GABRB1: variants seen among roughly 807,000 people sequenced by gnomAD.
The protein encoded by GABRB1 is gamma-aminobutyric acid type A receptor subunit beta1, also known as gamma-aminobutyric acid receptor subunit beta-1.
In GABRB1, 17 loss-of-function variants were observed where a neutral mutation model predicts 51.6. The observed-to-expected ratio is 0.33, with a 90% CI of 0.23 to 0.49. The LOEUF is 0.49. Among genes scored for constraint, GABRB1 ranks in the 20% least tolerant of loss-of-function variants. The probability of loss-of-function intolerance (pLI) is 0.99; values close to 1 mark genes in which losing one functional copy is unlikely to be tolerated. For synonymous variants in GABRB1, 247 were observed against 218.9 expected (o/e 1.13, Z -1.14); for missense variants, 410 against 600.6 (o/e 0.68, Z 3.32).
In GABRB1 at chr4:47,259,666, G is replaced by A. The variant is rs539838116; in HGVS notation, c.462-60461G>A. On this transcript the variant is annotated intron_variant, in intron 4 of 8. Coordinates refer to ENST00000295454, the MANE Select transcript of GABRB1 (RefSeq NM_000812.4). ...ATTAGCTCAAGGTTATATGACAAGC[G>A]GCTGAGGCAGGAATCAGACCCAGAT... is the stretch of plus-strand genomic sequence containing the variant. 1.6e-4 allele frequency among the ~76,000 whole-genome samples: 24 copies of A among 152,240 alleles called. No individual in the cohort carries two copies. In the South Asian group the frequency reaches 2.3e-3, roughly 14 times the overall value.
At chr4:47,397,598 G>A (rs558809041) in intron 5 of GABRB1, among the ~76,000 whole-genome samples, 116 of 151,452 alleles carry the variant, frequency 7.7e-4, no homozygotes, top group African/African-American at 2.6e-3. Flanking sequence ...ATGGAGTCTT[G>A]CTCTGTTGCC....
intron 3 of GABRB1, among the ~76,000 whole-genome samples, chr4:47,074,743 T>C: frequency 6.6e-6 from 1 of 152,092 alleles, no homozygotes; most frequent in Non-Finnish European, 1.5e-5. Context: ...TGCGAATATA[T>C]AGTTGTCATA....
At chr4:47,242,663 C>T (rs1384057031) in intron 4 of GABRB1, among the ~76,000 whole-genome samples, 1 of 152,170 alleles carries the variant, frequency 6.6e-6, no homozygotes, top group South Asian at 2.1e-4. Flanking sequence ...TCTCATATGT[C>T]TGTTGGCTGA....
intron 3 of GABRB1, among the ~76,000 whole-genome samples, chr4:47,079,656 T>TACTATGCAGCCATGAAAA (rs1442457425): frequency 6.6e-6 from 1 of 152,006 alleles, no homozygotes; most frequent in African/African-American, 2.4e-5. Flanking sequence ...CACCATGGAA[T>TACTATGCAGCCATGAAAA]ACTATGCAGC....
At chr4:47,103,634 T>C (rs1213353159) in intron 3 of GABRB1, among the ~76,000 whole-genome samples, 1 of 152,022 alleles carries the variant, frequency 6.6e-6, no homozygotes, top group African/African-American at 2.4e-5. Context: ...ACATTATGTA[T>C]TTCTCTATGG....
At chr4:47,192,971 G>A (rs1719504420) in intron 4 of GABRB1, among the ~76,000 whole-genome samples, 1 of 152,166 alleles carries the variant, frequency 6.6e-6, no homozygotes, top group African/African-American at 2.4e-5. Context: ...ACTTGGTTAA[G>A]AAATAAAGCT....
chr4:47,387,151 G>A (rs1326411216), intron 5 of GABRB1, among the ~76,000 whole-genome samples: 1 of 152,124 alleles, frequency 6.6e-6, no homozygotes, highest in Non-Finnish European at 1.5e-5. Context: ...AAACTAAGAG[G>A]TTGAGCAAAT....
rs527329940 is a variant in GABRB1, at chr4:47,197,581, A to T, written c.461+36112A>T. 2.0e-5 allele frequency among the ~76,000 whole-genome samples: 3 copies of T among 152,340 alleles called. No individual in the cohort carries two copies. In the South Asian group the frequency reaches 6.2e-4, roughly 32 times the overall value. On this transcript the variant is annotated intron_variant, in intron 4 of 8. Transcript: ENST00000295454. ...AATATAAGCAGCTTCTGGATTCATA[A>T]TTCTATCATAGTGCTTTCCAAGTCA...
At chr4:47,144,162 G>T (rs898274232) in intron 3 of GABRB1, among the ~76,000 whole-genome samples, 9 of 151,936 alleles carry the variant, frequency 5.9e-5, no homozygotes, top group African/African-American at 2.2e-4. Flanking sequence ...TGATAAGGTT[G>T]ACTGAGTGAC....
chr4:47,186,167 A>G (rs1560576341), intron 4 of GABRB1, among the ~76,000 whole-genome samples: 1 of 148,510 alleles, frequency 6.7e-6, no homozygotes, highest in Non-Finnish European at 1.5e-5. Flanking sequence ...ATTTCGATGA[A>G]CATTTCCTAA....
intron 3 of GABRB1, among the ~76,000 whole-genome samples, chr4:47,155,255 A>G (rs1344181616): frequency 6.6e-6 from 1 of 152,098 alleles, no homozygotes; most frequent in Non-Finnish European, 1.5e-5. Flanking sequence ...CCGGGGAAGC[A>G]GCCCAAGTTT....
At chr4:47,376,868 G>C (rs559226110) in intron 5 of GABRB1, among the ~76,000 whole-genome samples, 1 of 152,162 alleles carries the variant, frequency 6.6e-6, no homozygotes, top group East Asian at 1.9e-4. Flanking sequence ...GGATTTATTA[G>C]AATACAAACA....
At chr4:47,120,147 T>G (rs1715706494) in intron 3 of GABRB1, among the ~76,000 whole-genome samples, 1 of 152,052 alleles carries the variant, frequency 6.6e-6, no homozygotes, top group South Asian at 2.1e-4. Context: ...TATAAAGCAG[T>G]CAATTCAGCA....
chr4:47,205,414 C>A (rs1160708183), intron 4 of GABRB1, among the ~76,000 whole-genome samples: 6 of 152,126 alleles, frequency 3.9e-5, no homozygotes, highest in Non-Finnish European at 8.8e-5. Context: ...GATTATGGGA[C>A]ATCTTTGATG....
At chr4:47,201,466 A>G (rs1309793074) in intron 4 of GABRB1, among the ~76,000 whole-genome samples, 2 of 152,164 alleles carry the variant, frequency 1.3e-5, no homozygotes, top group African/African-American at 4.8e-5. Context: ...ATAACCAGTG[A>G]AAGGCTATTT....
chr4:47,120,412 A>G (rs1033083231), intron 3 of GABRB1, among the ~76,000 whole-genome samples: 2 of 152,186 alleles, frequency 1.3e-5, no homozygotes, highest in South Asian at 2.1e-4. Context: ...AATGCCATCC[A>G]TGAGCCAAGG....
chr4:46,994,391 A>C (rs956930717), intron 1 of GABRB1: 2 of 150,164 alleles, frequency 1.3e-5, no homozygotes, highest in African/African-American at 4.9e-5. Context: ...GAGTTGACTT[A>C]CTTCCAGAGG....
intron 3 of GABRB1, among the ~76,000 whole-genome samples, chr4:47,146,910 G>A (rs1717196081): frequency 6.6e-6 from 1 of 152,042 alleles, no homozygotes; most frequent in South Asian, 2.1e-4. Context: ...GTCATAAAGA[G>A]AAATGTGTTA....
chr4:47,316,522 A>G (rs1724896829), intron 4 of GABRB1, among the ~76,000 whole-genome samples: 1 of 151,930 alleles, frequency 6.6e-6, no homozygotes, highest in Non-Finnish European at 1.5e-5. Context: ...TATTGTGAAT[A>G]TGTTGCAATA....
Sources: allele counts gnomAD v4.1 joint callset (sites outside exome capture counted in the v4.1 genomes callset), GRCh38; gene constraint gnomAD v4.1.1; transcripts MANE v1.5; gene names NCBI Gene and HGNC (gene_info 2026-07-23, HGNC 2026-07-21).